SLC1A2: variants seen among roughly 807,000 people sequenced by gnomAD.
SLC1A2 encodes the protein excitatory amino acid transporter 2.
Under a neutral mutation model 48.8 loss-of-function variants are expected in SLC1A2, and 15 were observed. The observed-to-expected ratio is 0.31, with a 90% CI of 0.21 to 0.47. The LOEUF (loss-of-function observed/expected upper bound fraction) is 0.47, where lower values mean the gene tolerates loss of function less well. Ranked by LOEUF, SLC1A2 falls within the 20% of genes least tolerant of loss-of-function variation. The pLI, the probability that SLC1A2 is intolerant of heterozygous loss-of-function variation, is 0.99. For missense variants in SLC1A2, 502 were observed against 730.5 expected (o/e 0.69, Z 3.61); for synonymous variants, 279 against 272.6 (o/e 1.02, Z -0.23).
chr11:35,317,758 T>C (rs910755245), intron 1 of SLC1A2, among the ~76,000 whole-genome samples: 1 of 152,028 alleles, frequency 6.6e-6, no homozygotes, highest in African/African-American at 2.4e-5. Flanking sequence ...TTCCAAAGAG[T>C]TGCCCCCCGT....
At chr11:35,379,347 C>T (rs1207226120) in intron 1 of SLC1A2, among the ~76,000 whole-genome samples, 1 of 152,238 alleles carries the variant, frequency 6.6e-6, no homozygotes, top group African/African-American at 2.4e-5. Context: ...TTTTAGACTG[C>T]CCTGATTCAC....
In SLC1A2 at chr11:35,281,123, A is replaced by T. The variant is rs1324569695; in HGVS notation, c.1287-122T>A. 1.9e-5 allele frequency: 25 copies of T among 1,294,500 alleles called. No individual in the cohort carries two copies. The South Asian group carries it at 4.0e-4, about 21-fold the overall frequency. The allele number at this position is 1,294,500 out of a possible 1,614,324, so 80.2% of individuals were successfully genotyped here. A position where few individuals can be genotyped will look rare whatever the true frequency, so the allele number is the denominator to read the frequency against. On this transcript the variant is annotated intron_variant, in intron 8 of 10. Transcript: ENST00000278379. Reference sequence around the variant, plus strand: ...ATTCATCCCCCAACCCCCACCCCATACTCTCCACCAAGGAATAGAGAAATC... The same window carrying T: ...ATTCATCCCCCAACCCCCACCCCATTCTCTCCACCAAGGAATAGAGAAATC...
intron 1 of SLC1A2, among the ~76,000 whole-genome samples, chr11:35,407,095 A>G (rs1436140422): frequency 1.3e-5 from 2 of 152,114 alleles, no homozygotes; most frequent in Admixed American, 1.3e-4. Flanking sequence ...TTAAAAAAAA[A>G]AAAAACAGCA....
chr11:35,410,737 C>T (rs889000700), intron 1 of SLC1A2, among the ~76,000 whole-genome samples: 1 of 152,172 alleles, frequency 6.6e-6, no homozygotes, highest in Non-Finnish European at 1.5e-5. Context: ...GTAGAAAGGC[C>T]AAATCTCTTT....
At chr11:35,306,994 G>A (rs570929177) in intron 4 of SLC1A2, 1 of 152,368 alleles carries the variant, frequency 6.6e-6, no homozygotes, top group African/African-American at 2.4e-5. Context: ...CTCAGAAACA[G>A]TATGAAATGT....
intron 1 of SLC1A2, among the ~76,000 whole-genome samples, chr11:35,417,658 T>G (rs1284632126): frequency 6.6e-6 from 1 of 152,210 alleles, no homozygotes; most frequent in East Asian, 1.9e-4. Context: ...CAAAAAAGTC[T>G]AAACTGCAAA....
intron 1 of SLC1A2, among the ~76,000 whole-genome samples, chr11:35,361,710 C>G (rs191053029): frequency 2.6e-5 from 4 of 152,274 alleles, no homozygotes; most frequent in Admixed American, 1.3e-4. Context: ...GGTACGGTGG[C>G]TCACACCTGT....
chr11:35,359,424 AG>A (rs1272285433), intron 1 of SLC1A2, among the ~76,000 whole-genome samples: 7 of 152,226 alleles, frequency 4.6e-5, no homozygotes, highest in African/African-American at 1.4e-4. Flanking sequence ...AAAAGCTGTC[AG>A]CTGCTTTAAA....
intron 9 of SLC1A2, among the ~76,000 whole-genome samples, chr11:35,275,700 G>A (rs932838353): frequency 3.9e-5 from 6 of 152,226 alleles, no homozygotes; most frequent in African/African-American, 1.4e-4. Flanking sequence ...CACATTAAAT[G>A]TCACTGTAGG....
At chr11:35,408,458 G>C (rs1027097449) in intron 1 of SLC1A2, among the ~76,000 whole-genome samples, 2 of 152,180 alleles carry the variant, frequency 1.3e-5, no homozygotes, top group Admixed American at 1.3e-4. Flanking sequence ...GATCTGATGG[G>C]TTTATCAGGG....
chr11:35,287,054 G>C, intron 7 of SLC1A2, 103 bp from the exon 8 acceptor site: 2 of 925,298 alleles, frequency 2.2e-6, no homozygotes, highest in South Asian at 1.6e-5. Context: ...TTCTTGTTTT[G>C]TGTCAATCAA....
At chr11:35,342,515 GT>G (rs143334138) in intron 1 of SLC1A2, among the ~76,000 whole-genome samples, 1 of 99,226 alleles carries the variant, frequency 1.0e-5, no homozygotes, top group Admixed American at 1.1e-4. Flanking sequence ...TCAAATGAGT[GT>G]TTTTTTTGTT....
rs187849094 is a variant in SLC1A2, at chr11:35,374,253, C to T, written c.17+44697G>A. On this transcript the variant is annotated intron_variant, in intron 1 of 10. Coordinates refer to ENST00000278379, the MANE Select transcript of SLC1A2 (RefSeq NM_004171.4). ...TATAGCTAAGACTCCAAGACACTCC[C>T]GAAGCTGAGAAATGGAACTCTTAAC... is the stretch of plus-strand genomic sequence containing the variant. 1.2e-3 allele frequency: 1,060 copies of T among 864,480 alleles called. 4 individuals carry two copies. The highest frequency in any genetic ancestry group is 0.01 in the African/African-American group (599 of 57,992). 53.6% of individuals were successfully genotyped at this position (864,480 alleles called of 1,614,324 possible).
intron 1 of SLC1A2, among the ~76,000 whole-genome samples, chr11:35,343,526 T>A (rs918031208): frequency 6.6e-6 from 1 of 151,984 alleles, no homozygotes; most frequent in African/African-American, 2.4e-5. Flanking sequence ...ACACACACAC[T>A]CCCCTTTCTT....
intron 1 of SLC1A2, among the ~76,000 whole-genome samples, chr11:35,389,289 G>C (rs1453469183): frequency 6.6e-6 from 1 of 152,162 alleles, no homozygotes; most frequent in Non-Finnish European, 1.5e-5. Context: ...AATTGGCCCA[G>C]TTTCCCATTC....
At chr11:35,413,741 T>G (rs1855530789) in intron 1 of SLC1A2, 1 of 152,266 alleles carries the variant, frequency 6.6e-6, no homozygotes, top group Non-Finnish European at 1.5e-5. Flanking sequence ...GGTCTCAGAT[T>G]CACTTCCAAC....
chr11:35,382,030 C>T (rs1854438684), intron 1 of SLC1A2, among the ~76,000 whole-genome samples: 1 of 152,190 alleles, frequency 6.6e-6, no homozygotes, highest in Admixed American at 6.5e-5. Flanking sequence ...CCACAACAAC[C>T]TTATGAAGCA....
chr11:35,331,849 C>T (rs1852440938), intron 1 of SLC1A2, among the ~76,000 whole-genome samples: 1 of 152,200 alleles, frequency 6.6e-6, no homozygotes, highest in Non-Finnish European at 1.5e-5. Context: ...TCATCACATT[C>T]ATATGGTTTG....
chr11:35,270,196 T>C (rs953073543), intron 9 of SLC1A2, among the ~76,000 whole-genome samples: 11 of 152,188 alleles, frequency 7.2e-5, no homozygotes, highest in African/African-American at 2.2e-4. Context: ...AAAATCAAGA[T>C]GCAAAGGGCC....
Sources: gnomAD v4.1 joint callset for allele counts (sites outside exome capture counted in the v4.1 genomes callset) on GRCh38, gnomAD v4.1.1 for gene constraint, MANE v1.5 for transcripts, NCBI Gene and HGNC (gene_info 2026-07-23, HGNC 2026-07-21) for gene names.